The following CECR2 variants were observed in gnomAD, a reference collection of about 807,000 sequenced individuals.
CECR2 encodes the protein CECR2 histone acetyl-lysine reader, also known as chromatin remodeling regulator CECR2.
Under a neutral mutation model 154.5 loss-of-function variants are expected in CECR2, and 30 were observed. The observed-to-expected ratio is 0.19, with a 90% confidence interval of 0.15 to 0.26. The LOEUF (loss-of-function observed/expected upper bound fraction) is 0.26, where lower values mean the gene tolerates loss of function less well. CECR2 is among the 10% of genes least tolerant of loss of function. CECR2 has a pLI of 1.00. For missense variants in CECR2, 1,743 were observed against 1,829.3 expected (o/e 0.95, Z 0.86); for synonymous variants, 725 against 683.7 (o/e 1.06, Z -0.94).
At position 17,542,647 on chromosome 22, in the gene CECR2, C is replaced by T. The variant is rs1481746506; in HGVS notation, c.2504C>T (p.Pro835Leu). 1 of 1,613,914 alleles carries T rather than the reference C, an allele frequency of 6.2e-7. No homozygotes were observed. Among genetic ancestry groups the T allele is most frequent in the Non-Finnish European group, 8.5e-7 (1 of 1,179,914 alleles). ...TCAGGCTTCCTACCTCATGGAGTTC[C>T]TTCCTCAGGGTACATGCGACCGCCC... The part of the protein sequence containing the change: ...EQSGFLPHGV[P>L]SSGYMRPPCK... Residue 835 changes from proline to leucine, a missense_variant, in exon 16 of 19, where the codon CCT (proline) becomes CTT (leucine). Pro to Leu is a moderately conservative substitution (Grantham distance 98, BLOSUM62 -3). Transcript: ENST00000262608.
Position 17,554,777 on chromosome 22 carries a change from A to G in CECR2, c.*1937A>G, listed in dbSNP as rs1352715449. On this transcript the variant is annotated 3_prime_UTR_variant, in exon 19 of 19. Transcript: ENST00000262608. ...TTGTTAGAAACCTATCACTGGCATA[A>G]CCTGGTTTAGAAGAGTGAAGAGGAC... 6.6e-6 allele frequency: 1 copy of G among 152,242 alleles called. No individual in the cohort carries two copies. Among genetic ancestry groups the G allele is most frequent in the Non-Finnish European group, 1.5e-5 (1 of 68,060 alleles). The allele number at this position is 152,242 out of a possible 1,614,324, so 9.4% of individuals were successfully genotyped here.
chr22:17,442,410 A>G (rs1423570714), intron 1 of CECR2, among the ~76,000 whole-genome samples: 1 of 152,160 alleles, frequency 6.6e-6, no homozygotes, highest in Non-Finnish European at 1.5e-5. Flanking sequence ...CTACAAATAC[A>G]TATATATTTT....
chr22:17,437,729 TA>T (rs66626414), intron 1 of CECR2, among the ~76,000 whole-genome samples: 2 of 151,954 alleles, frequency 1.3e-5, no homozygotes. Context: ...GTATAGGGAT[TA>T]AAAAAAATTT....
Position 17,511,810 on chromosome 22 carries a change from T to C in CECR2, c.871-3T>C, listed in dbSNP as rs768785705. 4.3e-6 allele frequency: 7 copies of C among 1,610,596 alleles called. No homozygotes were observed. The highest frequency in any genetic ancestry group is 1.1e-5 in the South Asian group (1 of 90,556). On this transcript the variant is annotated splice_region_variant and splice_polypyrimidine_tract_variant and intron_variant, in intron 7 of 18. Transcript: ENST00000262608. ...CCTTTCTCTTCTTCACTTCTAACTA[T>C]AGGGAAAACGTCCACAGCGCACAAA...
chr22:17,552,012 T>C lies in CECR2; in HGVS notation c.4278-19T>C, dbSNP rs1406147136. ...CACGTCTTCATTAATTCTTCATTGC[T>C]TCTTTCTCGTGGCTGTAGAATGCAG... On this transcript the variant is annotated intron_variant, in intron 17 of 18. Transcript: ENST00000262608. The C allele has an allele frequency of 6.2e-7, 1 of 1,610,554 alleles. No individual in the cohort carries two copies. Among genetic ancestry groups the C allele is most frequent in the Admixed American group, 1.7e-5 (1 of 60,012 alleles).
At chr22:17,392,260 C>CA (rs928529091) in intron 1 of CECR2, among the ~76,000 whole-genome samples, 8 of 151,784 alleles carry the variant, frequency 5.3e-5, no homozygotes, top group South Asian at 4.2e-4. Context: ...GTCTCAACAA[C>CA]AAAAAAAATT....
chr22:17,420,994 C>T (rs545385026), intron 1 of CECR2, among the ~76,000 whole-genome samples: 17 of 152,180 alleles, frequency 1.1e-4, no homozygotes, highest in South Asian at 6.2e-4. Context: ...CGTTGCTGTC[C>T]GTCATTTTAC....
intron 1 of CECR2, among the ~76,000 whole-genome samples, chr22:17,435,703 AAAAAAAAC>A (rs2054495114): frequency 6.7e-6 from 1 of 149,866 alleles, no homozygotes; most frequent in African/African-American, 2.5e-5. Flanking sequence ...AAAAAAAAAA[AAAAAAAAC>A]AGGAGCAGGA....
At chr22:17,497,662 C>A in intron 3 of CECR2, 76 bp downstream of exon 3, 2 of 1,427,070 alleles carry the variant, frequency 1.4e-6, no homozygotes, top group South Asian at 1.2e-5. Context: ...ACGTAAAACC[C>A]AAAGATACTA....
rs894739192 is a variant in CECR2, at chr22:17,516,256, T to G, written c.954+4360T>G. Among the ~76,000 whole-genome samples, 3 of 150,054 alleles carry G rather than the reference T, an allele frequency of 2.0e-5. No individual in the cohort carries two copies. In the Admixed American group the frequency reaches 2.0e-4, roughly 10 times the overall value. On this transcript the variant is annotated intron_variant, in intron 8 of 18. Transcript: ENST00000262608. ...ATACACACACACATATTTACAGTTA[T>G]GTACATACATATACACATTTATTAT...
Position 17,537,404 on chromosome 22 carries a change from C to CT in CECR2, c.1238+173dup, listed in dbSNP as rs952264554. 9.8e-5 allele frequency among the ~76,000 whole-genome samples: 15 copies of CT among 152,312 alleles called. 1 individual carries two copies. Among genetic ancestry groups the CT allele is most frequent in the Admixed American group, 3.9e-4 (6 of 15,300 alleles). Reference sequence around the variant, plus strand: ...CAGACACGCCTAGCTACCCTGGCCTCTGACACTCTTGCTGCCACACTCTGT... The same window carrying CT: ...CAGACACGCCTAGCTACCCTGGCCTCTTGACACTCTTGCTGCCACACTCTGT... On this transcript the variant is annotated intron_variant, in intron 10 of 18. Coordinates refer to ENST00000262608, the MANE Select transcript of CECR2 (RefSeq NM_001290047.2).
Position 17,549,033 on chromosome 22 carries a change from G to A in CECR2, c.3746G>A (p.Cys1249Tyr). The change falls in exon 17 of 19, where the codon TGT (cysteine) becomes TAT (tyrosine). Residue 1249 changes from cysteine to tyrosine, a missense_variant. Coordinates refer to ENST00000262608, the MANE Select transcript of CECR2 (RefSeq NM_001290047.2). ...DKNAMASLQG[C>Y]ETLNAALTSP... ...AATGCCATGGCCAGTCTGCAAGGCT[G>A]TGAGACACTGAATGCTGCCTTAACT... 1 of 1,614,020 alleles carries A rather than the reference G, an allele frequency of 6.2e-7. No individual in the cohort carries two copies.
At chr22:17,450,438 T>C (rs2054750500) in intron 1 of CECR2, among the ~76,000 whole-genome samples, 1 of 152,078 alleles carries the variant, frequency 6.6e-6, no homozygotes, top group South Asian at 2.1e-4. Flanking sequence ...GCCCGGCTAA[T>C]TTTTGTATTT....
At position 17,504,894 on chromosome 22, in the gene CECR2, G is replaced by C. The variant is rs368864314; in HGVS notation, c.748G>C (p.Glu250Gln). Residue 250 changes from glutamate (E) to glutamine (Q), a missense_variant, in exon 7 of 19, where the codon GAA (glutamate) becomes CAA (glutamine). Coordinates refer to ENST00000262608, the MANE Select transcript of CECR2 (RefSeq NM_001290047.2). ...QGTWWLLCQT[E>Q]EEWRQVTESF... ...TACTTGGTGGCTCCTGTGCCAGACA[G>C]AAGAGGAATGGAGACAGGTCACCGA... is the stretch of plus-strand genomic sequence containing the variant. The C allele has an allele frequency of 9.3e-6, 15 of 1,613,784 alleles. No homozygotes were observed. The African/African-American group carries it at 1.6e-4, about 17-fold the overall frequency.
Position 17,548,585 on chromosome 22 carries a change from A to T in CECR2, c.3298A>T (p.Thr1100Ser). 6.2e-7 allele frequency: 1 copy of T among 1,613,576 alleles called. No individual in the cohort carries two copies. Residue 1100 changes from threonine to serine, a missense_variant, in exon 17 of 19, where the codon ACA becomes TCA. By Grantham distance (58) the Thr-to-Ser change is moderately conservative (BLOSUM62 1). Transcript: ENST00000262608. ...GCCATGCACGGGACAGAACGCAGCG[A>T]CACCGCCCAGCACAGACCCCGGTTT... ...TMPCTGQNAATPPSTDPGLTG... is the reference protein window; with the variant it reads ...TMPCTGQNAASPPSTDPGLTG...
intron 1 of CECR2, among the ~76,000 whole-genome samples, chr22:17,427,623 A>G (rs1181167443): frequency 6.6e-6 from 1 of 152,118 alleles, no homozygotes; most frequent in Non-Finnish European, 1.5e-5. Flanking sequence ...CAAAAGAGTG[A>G]GCAGCAGCAA....
At chr22:17,537,755 G>C (rs1345119144) in intron 10 of CECR2, among the ~76,000 whole-genome samples, 1 of 152,208 alleles carries the variant, frequency 6.6e-6, no homozygotes, top group Non-Finnish European at 1.5e-5. Context: ...CACTTTGGGA[G>C]GCTGAGGTGG....
intron 1 of CECR2, among the ~76,000 whole-genome samples, chr22:17,467,797 A>C (rs111945393): frequency 1.4e-5 from 2 of 145,008 alleles, no homozygotes; most frequent in East Asian, 4.2e-4. Context: ...AAAAGAAAGA[A>C]AGAGAGAGAG....
At chr22:17,503,007 A>G (rs1056032345) in intron 5 of CECR2, 75 bp from the exon 6 acceptor site, 25 of 1,321,734 alleles carry the variant, frequency 1.9e-5, no homozygotes, top group East Asian at 2.4e-5. Flanking sequence ...AATGGGTTCT[A>G]CCATCCTGGG....
Sources: allele counts gnomAD v4.1 joint callset (sites outside exome capture counted in the v4.1 genomes callset), GRCh38; gene constraint gnomAD v4.1.1; transcripts MANE v1.5; gene names NCBI Gene and HGNC (gene_info 2026-07-23, HGNC 2026-07-21).